Variants in RBBP6 observed in about 807,000 individuals in gnomAD.
RBBP6 encodes E3 ubiquitin-protein ligase RBBP6.
In RBBP6, 25 loss-of-function variants were observed where a neutral mutation model predicts 167.7. The ratio of observed to expected loss-of-function variants is 0.15; its 90% CI spans 0.11 to 0.21. The LOEUF (loss-of-function observed/expected upper bound fraction) is 0.21. RBBP6 is among the 10% of genes least tolerant of loss of function. The pLI, the probability that RBBP6 is intolerant of heterozygous loss-of-function variation, is 1.00. For missense variants in RBBP6, 1,868 were observed against 2,134.2 expected (o/e 0.88, Z 2.46); for synonymous variants, 789 against 735.8 (o/e 1.07, Z -1.17).
Position 24,571,669 on chromosome 16 carries a change from A to C in RBBP6, c.4603A>C (p.Ser1535Arg). 3 of 1,613,926 alleles carry C rather than the reference A, an allele frequency of 1.9e-6. No individual in the cohort carries two copies. Among genetic ancestry groups the C allele is most frequent in the Non-Finnish European group, 2.5e-6 (3 of 1,179,958 alleles). The change falls in exon 18 of 18, where the codon AGT becomes CGT. Residue 1535 changes from serine to arginine, a missense_variant. Ser to Arg is a moderately radical substitution (Grantham distance 110). Coordinates refer to ENST00000319715, the MANE Select transcript of RBBP6 (RefSeq NM_006910.5). ...AGGAGATTCCAAAAAAAGTAATTCTAGTCCCTCAAGAGACAGAAAACCTCA... is the reference window on the plus strand; with the variant it reads ...AGGAGATTCCAAAAAAAGTAATTCTCGTCCCTCAAGAGACAGAAAACCTCA... The part of the protein sequence containing the change: ...GTGDSKKSNS[S>R]PSRDRKPHDH...
chr16:24,553,719 T>C, intron 4 of RBBP6, 162 bp downstream of exon 4: 1 of 431,058 alleles, frequency 2.3e-6, no homozygotes, highest in South Asian at 6.0e-5. Context: ...TTTGAGAAGA[T>C]AGGGGAATAC....
intron 8 of RBBP6, among the ~76,000 whole-genome samples, chr16:24,560,879 T>C (rs13330500): frequency 0.27 from 40,557 of 152,116 alleles, 5,454 homozygotes; most frequent in Admixed American, 0.33. Flanking sequence ...TTCAGAGGGT[T>C]CTGGAACCCA....
At position 24,571,474 on chromosome 16, in the gene RBBP6, A is replaced by G. The variant is rs1215798726; in HGVS notation, c.4408A>G (p.Asn1470Asp). Residue 1470 changes from asparagine to aspartate, a missense_variant, in exon 18 of 18, where the codon AAT becomes GAT. This residue lies in a region of RBBP6 where 591 missense variants were observed against 540.5 expected (regional missense o/e 1.09). Coordinates refer to ENST00000319715, the MANE Select transcript of RBBP6 (RefSeq NM_006910.5). ...RASSNKDFTP[N>D]RDKKTDYDTR... ...TTCCTCAAATAAAGACTTCACTCCC[A>G]ATAGAGACAAAAAAACTGACTATGA... is the stretch of plus-strand genomic sequence containing the variant. 3 of 1,612,658 alleles carry G rather than the reference A, an allele frequency of 1.9e-6. No homozygotes were observed. In the African/African-American group the frequency reaches 4.0e-5, roughly 22 times the overall value.
intron 1 of RBBP6, among the ~76,000 whole-genome samples, chr16:24,543,861 C>A (rs374556243): frequency 6.6e-6 from 1 of 152,048 alleles, no homozygotes; most frequent in African/African-American, 2.4e-5. Flanking sequence ...CTCCATTTCT[C>A]GGATTCATTC....
intron 1 of RBBP6, among the ~76,000 whole-genome samples, chr16:24,544,021 T>TG (rs1197408708): frequency 6.6e-6 from 1 of 152,158 alleles, no homozygotes; most frequent in Admixed American, 6.5e-5. Context: ...AAAGATACTT[T>TG]GAGGGGTAAG....
In RBBP6 at chr16:24,569,804, T is replaced by C; in HGVS notation, c.3114T>C (p.Ala1038=). 2 of 1,612,276 alleles carry C rather than the reference T, an allele frequency of 1.2e-6. No individual in the cohort carries two copies. The highest frequency in any genetic ancestry group is 1.7e-6 in the Non-Finnish European group (2 of 1,179,606). ...AAAAAGAAAATATTGTAAAACCTGC[T>C]AAAGGACCCCAAGAAAAAGTAGATG... ...VSKKENIVKP[A]KGPQEKVDGE... Residue 1038 remains alanine (A), a synonymous_variant, in exon 17 of 18, where the codon GCT becomes GCC. Transcript: ENST00000319715.
intron 4 of RBBP6, chr16:24,554,636 G>A (rs1430364990): frequency 6.6e-6 from 1 of 152,064 alleles, no homozygotes; most frequent in Non-Finnish European, 1.5e-5. Context: ...GTTTAGTATA[G>A]AGTTAACACT....
intron 13 of RBBP6, 77 bp from the exon 14 acceptor site, chr16:24,564,720 T>G (rs544151123): frequency 8.7e-5 from 130 of 1,488,186 alleles, no homozygotes; most frequent in Admixed American, 1.1e-4. Context: ...ATTGGTGTCT[T>G]AACAGCTATG....
At position 24,572,306 on chromosome 16, in the gene RBBP6, A is replaced by C; in HGVS notation, c.5240A>C (p.His1747Pro). 1.3e-6 allele frequency: 2 copies of C among 1,580,862 alleles called. No homozygotes were observed. The highest frequency in any genetic ancestry group is 2.3e-5 in the East Asian group (1 of 42,922). ...AAGAAACATAAAAAGCATAAGAAGCATAAGAAACATGCAGGCACTGAAGTG... is the reference window on the plus strand; with the variant it reads ...AAGAAACATAAAAAGCATAAGAAGCCTAAGAAACATGCAGGCACTGAAGTG... The part of the protein sequence containing the change: ...KHKKHKKHKK[H>P]KKHAGTEVEL... Residue 1747 changes from histidine (H) to proline (P), a missense_variant, in exon 18 of 18, where the codon CAT becomes CCT. Physicochemically the swap from His to Pro is moderately conservative, Grantham distance 77. Coordinates refer to ENST00000319715, the MANE Select transcript of RBBP6 (RefSeq NM_006910.5).
intron 1 of RBBP6, among the ~76,000 whole-genome samples, chr16:24,544,024 G>A (rs1191176338): frequency 1.3e-5 from 2 of 152,110 alleles, no homozygotes; most frequent in African/African-American, 4.8e-5. Context: ...GATACTTTGA[G>A]GGGTAAGAAA....
At chr16:24,570,796 T>G in intron 17 of RBBP6, 80 bp from the exon 18 acceptor site, 1 of 1,161,586 alleles carries the variant, frequency 8.6e-7, no homozygotes, top group Non-Finnish European at 1.1e-6. Flanking sequence ...GTGTTTAAGT[T>G]AGCATTTTTA....
intron 1 of RBBP6, among the ~76,000 whole-genome samples, chr16:24,541,194 AAAAAAAAAAC>A (rs1898481869): frequency 1.6e-4 from 11 of 68,720 alleles, no homozygotes; most frequent in Admixed American, 7.0e-4. Context: ...AAAAAAAAAC[AAAAAAAAAAC>A]CAAAAAAACA....
At position 24,540,804 on chromosome 16, in the gene RBBP6, T is replaced by C; in HGVS notation, c.166+12T>C. 6.2e-7 allele frequency: 1 copy of C among 1,608,938 alleles called. No homozygotes were observed. Among genetic ancestry groups the C allele is most frequent in the Non-Finnish European group, 8.5e-7 (1 of 1,178,292 alleles). The stretch of plus-strand genomic sequence containing the variant: ...GCAGACGAAAGAAGGTAAGGGCCGC[T>C]TGGTCTTAAGATATTTGGTGGCTGG... On this transcript the variant is annotated intron_variant, in intron 1 of 17. Coordinates refer to ENST00000319715, the MANE Select transcript of RBBP6 (RefSeq NM_006910.5).
intron 15 of RBBP6, 127 bp downstream of exon 15, chr16:24,567,632 A>C: frequency 7.6e-7 from 1 of 1,308,108 alleles, no homozygotes; most frequent in Non-Finnish European, 1.0e-6. Context: ...ATTTAAACCA[A>C]AGCCATACAA....
In RBBP6 at chr16:24,569,094, G is replaced by T. The variant is rs910002201; in HGVS notation, c.2404G>T (p.Val802Phe). The change falls in exon 17 of 18, where the codon GTT (valine) becomes TTT (phenylalanine). Residue 802 changes from valine to phenylalanine, a missense_variant. Physicochemically the swap from Val to Phe is conservative, Grantham distance 50 (BLOSUM62 -1). Around this residue, in one of 7 missense-constraint regions of RBBP6, gnomAD observed 673 missense variants for 691.5 expected, o/e 0.97. Coordinates refer to ENST00000319715, the MANE Select transcript of RBBP6 (RefSeq NM_006910.5). Reference protein sequence around the residue: ...EREYFNRYREVPPPYDMKAYY... With the variant: ...EREYFNRYREFPPPYDMKAYY... ...TGAATATTTTAATAGATACAGAGAA[G>T]TTCCACCACCATATGACATGAAAGC... 6.2e-7 allele frequency: 1 copy of T among 1,613,798 alleles called. No individual in the cohort carries two copies. The highest frequency in any genetic ancestry group is 1.3e-5 in the African/African-American group (1 of 74,892).
rs922568176 is a variant in RBBP6 at position 24,540,469 on chromosome 16, C to A, written c.-158C>A. 1 of 607,858 alleles carries A rather than the reference C, an allele frequency of 1.6e-6. No homozygotes were observed. The highest frequency in any genetic ancestry group is 2.6e-5 in the South Asian group (1 of 38,510). The allele number at this position is 607,858 out of a possible 1,614,324, so 37.7% of individuals were successfully genotyped here. ...TCTCTGGATTATTGTTCTGACGAAC[C>A]CCTGCTTGTGGTTGGGGGGTATTTA... On this transcript the variant is annotated 5_prime_UTR_variant, in exon 1 of 18. Transcript: ENST00000319715.
At chr16:24,555,528 T>G (rs1898892721) in intron 4 of RBBP6, 87 bp from the exon 5 acceptor site, 2 of 993,048 alleles carry the variant, frequency 2.0e-6, no homozygotes, top group African/African-American at 3.3e-5. Context: ...TAGATACTGC[T>G]CTTTACAGGA....
chr16:24,563,370 C>CTTTT (rs550471421), intron 11 of RBBP6, 53 bp from the exon 12 acceptor site: 18 of 1,308,178 alleles, frequency 1.4e-5, no homozygotes, highest in East Asian at 2.6e-5. Context: ...GTTCTTACCT[C>CTTTT]TTTTTTTTTT....
At position 24,555,934 on chromosome 16, in the gene RBBP6, A is replaced by T; in HGVS notation, c.534+17A>T. On this transcript the variant is annotated intron_variant, in intron 6 of 17. Transcript: ENST00000319715. ...ACAAATGGGGTAAGTTCAAAGCAGA[A>T]ACTATGGTATATCTTACTTTTTTTC... 6.5e-7 allele frequency: 1 copy of T among 1,535,494 alleles called. No homozygotes were observed. The highest frequency in any genetic ancestry group is 2.2e-5 in the East Asian group (1 of 44,462).
Sources: allele counts gnomAD v4.1 joint callset (sites outside exome capture counted in the v4.1 genomes callset), GRCh38; gene constraint gnomAD v4.1.1; regional missense constraint gnomAD v4.1.1; transcripts MANE v1.5; gene names NCBI Gene and HGNC (gene_info 2026-07-23, HGNC 2026-07-21).